GLCE: variants seen among roughly 807,000 people sequenced by gnomAD.
GLCE encodes glucuronic acid epimerase.
A neutral mutation model predicts 47.9 loss-of-function variants in GLCE; 19 were observed. That is an observed-to-expected ratio of 0.40 (90% CI 0.28 to 0.58). GLCE has a LOEUF of 0.58. GLCE is among the 20% of genes least tolerant of loss of function. The pLI is 0.48. For missense variants in GLCE, 556 were observed against 743.3 expected, an observed-to-expected ratio of 0.75 and a Z score of 2.93; for synonymous variants, 245 against 263.4, an observed-to-expected ratio of 0.93 and a Z score of 0.68.
rs148878258 is a variant in GLCE at position 69,246,062 on chromosome 15, G to A, written c.-13-9732G>A. ...CAACAATGTTCATGGCATCTTCACC[G>A]GGTGTAGATTCCATCTCAAGAAACC... On this transcript the variant is annotated intron_variant, in intron 2 of 4. Coordinates refer to ENST00000261858, the MANE Select transcript of GLCE (RefSeq NM_015554.3). 8.7e-3 allele frequency among the ~76,000 whole-genome samples: 1,320 copies of A among 152,150 alleles called. 9 individuals carry two copies. The highest frequency in any genetic ancestry group is 0.02 in the Middle Eastern group (6 of 294).
rs1381590530 is a variant in GLCE, at chr15:69,165,552, C to CT, written c.-105+4803dup. Among the ~76,000 whole-genome samples the CT allele has an allele frequency of 1.8e-4, 6 of 34,030 alleles. No homozygotes were observed. The East Asian group carries it at 3.5e-3, about 20-fold the overall frequency. 22.3% of individuals were successfully genotyped at this position (34,030 alleles called of 152,430 possible). A position where few individuals can be genotyped will look rare whatever the true frequency, so the allele number is the denominator to read the frequency against. ...AGCTCTTTTTTAGTTACCATTTTTT[C>CT]TTTTTTTTCTTTCTTTACTGTCTGC... On this transcript the variant is annotated intron_variant, in intron 1 of 4. Transcript: ENST00000261858.
intron 1 of GLCE, among the ~76,000 whole-genome samples, chr15:69,199,289 A>G (rs2052043190): frequency 6.6e-6 from 1 of 152,196 alleles, no homozygotes; most frequent in South Asian, 2.1e-4. Context: ...GGAATTCTAG[A>G]AATAATCTGA....
At chr15:69,187,342 G>T (rs2051839298) in intron 1 of GLCE, among the ~76,000 whole-genome samples, 1 of 152,044 alleles carries the variant, frequency 6.6e-6, no homozygotes, top group Non-Finnish European at 1.5e-5. Flanking sequence ...AAAGGAAAAG[G>T]ATACTAATGT....
chr15:69,266,315 T>C (rs956179800), intron 4 of GLCE, among the ~76,000 whole-genome samples: 2 of 152,050 alleles, frequency 1.3e-5, no homozygotes, highest in African/African-American at 4.8e-5. Flanking sequence ...TATCATCAGT[T>C]CACATTCCTT....
intron 2 of GLCE, among the ~76,000 whole-genome samples, chr15:69,216,037 G>C (rs2052302451): frequency 1.3e-5 from 2 of 151,902 alleles, no homozygotes; most frequent in South Asian, 4.2e-4. Context: ...ATGAGTTTTG[G>C]TTATCTGTAA....
intron 1 of GLCE, among the ~76,000 whole-genome samples, chr15:69,166,779 G>A (rs918213244): frequency 9.9e-5 from 15 of 151,378 alleles, no homozygotes; most frequent in African/African-American, 2.7e-4. Flanking sequence ...AATTAGCCGG[G>A]CGTGGTGGCA....
intron 1 of GLCE, among the ~76,000 whole-genome samples, chr15:69,182,872 G>A (rs549066833): frequency 3.9e-5 from 6 of 152,092 alleles, no homozygotes; most frequent in African/African-American, 9.6e-5. Flanking sequence ...AAAATTAGTC[G>A]GGTGTGGTGG....
chr15:69,237,236 G>A (rs2052605112), intron 2 of GLCE, among the ~76,000 whole-genome samples: 1 of 151,950 alleles, frequency 6.6e-6, no homozygotes, highest in South Asian at 2.1e-4. Flanking sequence ...TTTCTGCATT[G>A]CTTTGTGAAG....
At chr15:69,220,001 C>A (rs1021543931) in intron 2 of GLCE, among the ~76,000 whole-genome samples, 3 of 152,110 alleles carry the variant, frequency 2.0e-5, no homozygotes, top group African/African-American at 7.2e-5. Flanking sequence ...GTTTATTTCA[C>A]TTAGTATAAT....
intron 1 of GLCE, among the ~76,000 whole-genome samples, chr15:69,187,315 A>AAT (rs2051838815): frequency 6.6e-6 from 1 of 152,130 alleles, no homozygotes; most frequent in Non-Finnish European, 1.5e-5. Flanking sequence ...AGATACTATT[A>AAT]ATATATATAA....
At chr15:69,220,923 G>A (rs2052369072) in intron 2 of GLCE, among the ~76,000 whole-genome samples, 1 of 152,112 alleles carries the variant, frequency 6.6e-6, no homozygotes, top group African/African-American at 2.4e-5. Flanking sequence ...TTATGTTTAA[G>A]TCTTTCATCT....
intron 2 of GLCE, among the ~76,000 whole-genome samples, chr15:69,236,167 T>C (rs1006811162): frequency 2.0e-5 from 3 of 151,026 alleles, no homozygotes; most frequent in African/African-American, 7.4e-5. Context: ...GTTTATCCAG[T>C]CACCATTTGG....
intron 1 of GLCE, among the ~76,000 whole-genome samples, chr15:69,208,382 T>G (rs953219253): frequency 5.3e-5 from 8 of 152,080 alleles, no homozygotes; most frequent in African/African-American, 1.9e-4. Context: ...CAACACCATT[T>G]GTTGAAAAGA....
chr15:69,214,512 C>A (rs2052277823), intron 2 of GLCE, among the ~76,000 whole-genome samples: 1 of 152,120 alleles, frequency 6.6e-6, no homozygotes, highest in South Asian at 2.1e-4. Context: ...GAGGCCTCCC[C>A]AGCCATGTTG....
At chr15:69,202,555 T>A (rs16952938) in intron 1 of GLCE, among the ~76,000 whole-genome samples, 8 of 152,128 alleles carry the variant, frequency 5.3e-5, no homozygotes, top group East Asian at 1.9e-4. Context: ...AGACAGTTAT[T>A]TGTAGTTTTC....
rs2052911241 is a variant in GLCE, at chr15:69,255,719, A to AAG, written c.-13-74_-13-73dup. On this transcript the variant is annotated intron_variant, in intron 2 of 4. Coordinates refer to ENST00000261858, the MANE Select transcript of GLCE (RefSeq NM_015554.3). ...AGTTGTTCAACATTAAAAAAAAAAA[A>AAG]AGCAAAGAAAACTTTATCCTATGAA... 8.0e-6 allele frequency: 7 copies of AAG among 878,292 alleles called. No homozygotes were observed. In the South Asian group the frequency reaches 1.3e-4, roughly 17 times the overall value. The allele number at this position is 878,292 out of a possible 1,614,324, so 54.4% of individuals were successfully genotyped here.
At chr15:69,259,909 GTC>G (rs2052987180) in intron 3 of GLCE, among the ~76,000 whole-genome samples, 1 of 152,156 alleles carries the variant, frequency 6.6e-6, no homozygotes, top group Admixed American at 6.5e-5. Flanking sequence ...TAGATTCCCA[GTC>G]TCTGCTGTGC....
chr15:69,261,047 G>A, intron 3 of GLCE, 40 bp from the exon 4 acceptor site: 2 of 1,579,594 alleles, frequency 1.3e-6, no homozygotes, highest in South Asian at 2.3e-5. Flanking sequence ...GGCTTGTAAT[G>A]TCTGGATATG....
At position 69,269,888 on chromosome 15, in the gene GLCE, A is replaced by G. The variant is rs1464162549; in HGVS notation, c.*644A>G. ...GTTCAGGCTTCAGTTATATAATGTA[A>G]GCACAACTAAAATGAAACTTGTTGA... is the stretch of plus-strand genomic sequence containing the variant. On this transcript the variant is annotated 3_prime_UTR_variant, in exon 5 of 5. Coordinates refer to ENST00000261858, the MANE Select transcript of GLCE (RefSeq NM_015554.3). 1.3e-5 allele frequency: 2 copies of G among 152,642 alleles called. No homozygotes were observed. The highest frequency in any genetic ancestry group is 2.4e-5 in the African/African-American group (1 of 41,454). 9.5% of individuals were successfully genotyped at this position (152,642 alleles called of 1,614,324 possible).
Sources: allele counts gnomAD v4.1 joint callset (sites outside exome capture counted in the v4.1 genomes callset), GRCh38; gene constraint gnomAD v4.1.1; transcripts MANE v1.5; gene names NCBI Gene and HGNC (gene_info 2026-07-23, HGNC 2026-07-21).